The following SLC2A13 variants were observed in gnomAD, a reference collection of about 807,000 sequenced individuals.
SLC2A13 encodes proton myo-inositol cotransporter.
In SLC2A13, 32 loss-of-function variants were observed where a neutral mutation model predicts 64.4. The observed-to-expected ratio is 0.50, with a 90% CI of 0.37 to 0.67. The LOEUF (loss-of-function observed/expected upper bound fraction) is 0.67, where lower values mean the gene tolerates loss of function less well. Among genes scored for constraint, SLC2A13 ranks in the 30% least tolerant of loss-of-function variants. SLC2A13 has a pLI of 0.00. For missense variants in SLC2A13, 743 were observed against 829.2 expected, an observed-to-expected ratio of 0.90 and a Z score of 1.28; for synonymous variants, 338 against 327.1, an observed-to-expected ratio of 1.03 and a Z score of -0.36.
chr12:40,100,887 C>A (rs1349000715), intron 1 of SLC2A13, among the ~76,000 whole-genome samples: 2 of 143,750 alleles, frequency 1.4e-5, no homozygotes, highest in African/African-American at 5.3e-5. Context: ...ATCGCTTGAA[C>A]CTGGGAGGTG....
intron 7 of SLC2A13, among the ~76,000 whole-genome samples, chr12:39,803,902 G>T (rs1167817558): frequency 6.6e-6 from 1 of 151,888 alleles, no homozygotes; most frequent in African/African-American, 2.4e-5. Flanking sequence ...CCCTTCCCAA[G>T]ATAAATAAAA....
intron 6 of SLC2A13, among the ~76,000 whole-genome samples, chr12:39,832,732 C>T (rs1942889971): frequency 6.6e-6 from 1 of 151,676 alleles, no homozygotes; most frequent in Admixed American, 6.6e-5. Flanking sequence ...TCAGTTTTCT[C>T]CTTTCTTTAG....
intron 4 of SLC2A13, among the ~76,000 whole-genome samples, chr12:39,874,998 C>T (rs1014028917): frequency 7.9e-5 from 12 of 152,308 alleles, no homozygotes; most frequent in African/African-American, 2.9e-4. Context: ...CGACTTCAGC[C>T]CACACTAAAT....
chr12:40,057,579 G>A (rs960154500), intron 1 of SLC2A13, among the ~76,000 whole-genome samples: 10 of 152,054 alleles, frequency 6.6e-5, no homozygotes, highest in Non-Finnish European at 1.2e-4. Flanking sequence ...ACTGCTGAGC[G>A]TTTCCTTAAC....
chr12:39,770,832 A>G (rs1370743916), intron 7 of SLC2A13, among the ~76,000 whole-genome samples: 3 of 152,114 alleles, frequency 2.0e-5, no homozygotes, highest in East Asian at 3.9e-4. Flanking sequence ...TATACTTTTA[A>G]GTCCAAGTAA....
chr12:39,895,837 T>C (rs550800510), intron 4 of SLC2A13, among the ~76,000 whole-genome samples: 901 of 56,674 alleles, frequency 0.016, 267 homozygotes, highest in African/African-American at 0.056. Context: ...TGCGTGTATA[T>C]GCACACACAT....
chr12:39,994,973 AC>A (rs1947203010), intron 3 of SLC2A13, among the ~76,000 whole-genome samples: 2 of 152,242 alleles, frequency 1.3e-5, no homozygotes, highest in African/African-American at 4.8e-5. Flanking sequence ...CAACTAAAAA[AC>A]ATTAATGGAT....
intron 4 of SLC2A13, among the ~76,000 whole-genome samples, chr12:39,915,479 G>C (rs11174266): frequency 0.1 from 15,292 of 151,926 alleles, 939 homozygotes; most frequent in Admixed American, 0.15. Context: ...GGCAAGATCA[G>C]ATATCTGATT....
chr12:39,968,866 G>A (rs1946587196), intron 3 of SLC2A13, among the ~76,000 whole-genome samples: 1 of 145,480 alleles, frequency 6.9e-6, no homozygotes, highest in African/African-American at 2.6e-5. Context: ...TGTTACATAT[G>A]TATACATGTG....
intron 4 of SLC2A13, among the ~76,000 whole-genome samples, chr12:39,885,793 C>T (rs1381635000): frequency 6.6e-6 from 1 of 152,168 alleles, no homozygotes; most frequent in East Asian, 1.9e-4. Context: ...ATCTGAAGAT[C>T]GTTCCCAATG....
rs77219011 is a variant in SLC2A13, at chr12:40,038,494, C to T, written c.716+9557G>A. 9.8e-3 allele frequency among the ~76,000 whole-genome samples: 1,492 copies of T among 151,988 alleles called. 20 individuals carry two copies. Among genetic ancestry groups the T allele is most frequent in the African/African-American group, 0.034 (1,421 of 41,462 alleles). On this transcript the variant is annotated intron_variant, in intron 2 of 9. Coordinates refer to ENST00000280871, the MANE Select transcript of SLC2A13 (RefSeq NM_052885.4). The stretch of plus-strand genomic sequence containing the variant: ...GGTGGCCCACGCCTATAATGCCAGC[C>T]CAAAGTGGGTGGATCACTTGAGCCC...
chr12:39,984,675 T>G (rs1278641714), intron 3 of SLC2A13, among the ~76,000 whole-genome samples: 16 of 152,216 alleles, frequency 1.1e-4, no homozygotes, highest in Admixed American at 1.0e-3. Flanking sequence ...CATTTACTTC[T>G]TTGATGATGT....
intron 3 of SLC2A13, among the ~76,000 whole-genome samples, chr12:39,995,865 C>A: frequency 6.6e-6 from 1 of 152,178 alleles, no homozygotes; most frequent in East Asian, 1.9e-4. Context: ...CTGCTACCAT[C>A]CGTGAAAAAC....
chr12:40,057,722 C>A (rs1469375783), intron 1 of SLC2A13, among the ~76,000 whole-genome samples: 2 of 152,108 alleles, frequency 1.3e-5, no homozygotes, highest in African/African-American at 2.4e-5. Flanking sequence ...CATGTGATAA[C>A]AATGGCTAAG....
At chr12:39,931,248 C>T (rs7978427) in intron 4 of SLC2A13, among the ~76,000 whole-genome samples, 9,535 of 152,200 alleles carry the variant, frequency 0.063, 486 homozygotes, top group East Asian at 0.26. Flanking sequence ...CTATAAGGAT[C>T]GTCTACTTCT....
intron 4 of SLC2A13, among the ~76,000 whole-genome samples, chr12:39,881,917 C>T (rs979316512): frequency 2.6e-5 from 4 of 152,082 alleles, no homozygotes; most frequent in Admixed American, 6.6e-5. Flanking sequence ...TCATGATTCT[C>T]GGTGACAGTG....
intron 3 of SLC2A13, among the ~76,000 whole-genome samples, chr12:39,968,760 G>GTATATATA (rs56838055): frequency 2.0e-4 from 12 of 59,842 alleles, no homozygotes; most frequent in Non-Finnish European, 4.5e-4. Context: ...TTTTTTTTTG[G>GTATATATA]TATATATATA....
chr12:39,981,706 T>C (rs1189241027), intron 3 of SLC2A13, among the ~76,000 whole-genome samples: 1 of 150,390 alleles, frequency 6.6e-6, no homozygotes, highest in Non-Finnish European at 1.5e-5. Flanking sequence ...CCAAAAAGAG[T>C]CCAGGACCAG....
chr12:39,864,354 G>T (rs1592218827), intron 6 of SLC2A13, among the ~76,000 whole-genome samples: 1 of 152,282 alleles, frequency 6.6e-6, no homozygotes, highest in East Asian at 1.9e-4. Flanking sequence ...AGTCCAAATT[G>T]TCAGAATATT....
Sources: allele counts gnomAD v4.1 joint callset (sites outside exome capture counted in the v4.1 genomes callset), GRCh38; gene constraint gnomAD v4.1.1; transcripts MANE v1.5; gene names NCBI Gene and HGNC (gene_info 2026-07-23, HGNC 2026-07-21).